C1orf105: variants seen among roughly 807,000 people sequenced by gnomAD.
C1orf105 encodes uncharacterized protein C1orf105.
A neutral mutation model predicts 20.8 loss-of-function variants in C1orf105; 17 were observed. The ratio of observed to expected loss-of-function variants is 0.82; its 90% CI spans 0.56 to 1.23. C1orf105 has a LOEUF of 1.23. C1orf105 is among the 50% of genes most tolerant of loss of function. The probability of loss-of-function intolerance (pLI) is 0.00; values close to 1 mark genes in which losing one functional copy is unlikely to be tolerated. For missense variants in C1orf105, 219 were observed against 213.5 expected (o/e 1.03, Z -0.16); for synonymous variants, 72 against 72.1 (o/e 1.00, Z 0.01).
chr1:172,424,671 G>A (rs1490048709), intron 1 of C1orf105, among the ~76,000 whole-genome samples: 2 of 152,182 alleles, frequency 1.3e-5, no homozygotes, highest in Non-Finnish European at 2.9e-5. Flanking sequence ...GTTTACAGGT[G>A]TGAGCCACCG....
chr1:172,422,093 G>A (rs1456040903), intron 1 of C1orf105, among the ~76,000 whole-genome samples: 2 of 151,968 alleles, frequency 1.3e-5, no homozygotes, highest in Admixed American at 1.3e-4. Flanking sequence ...TCCTAGTGCT[G>A]TGCTGGGCTC....
intron 1 of C1orf105, among the ~76,000 whole-genome samples, chr1:172,437,745 T>TAAA (rs1199353687): frequency 6.7e-6 from 1 of 148,206 alleles, no homozygotes; most frequent in Non-Finnish European, 1.5e-5. Flanking sequence ...ATAATAATAA[T>TAAA]AATAATAATA....
At chr1:172,441,789 G>A in intron 1 of C1orf105, 1 of 1,606,490 alleles carries the variant, frequency 6.2e-7, no homozygotes, top group Non-Finnish European at 8.5e-7. Flanking sequence ...GCCCATGAAT[G>A]TTTTCTTTAA....
intron 3 of C1orf105, among the ~76,000 whole-genome samples, chr1:172,453,866 A>G (rs1021360187): frequency 4.6e-5 from 7 of 152,334 alleles, no homozygotes; most frequent in Middle Eastern, 3.4e-3. Flanking sequence ...CACCTACACT[A>G]TGTCTTAAAT....
chr1:172,449,475 A>G (rs1054138402), intron 3 of C1orf105, among the ~76,000 whole-genome samples: 1 of 152,200 alleles, frequency 6.6e-6, no homozygotes, highest in African/African-American at 2.4e-5. Context: ...AGTGGAGGGA[A>G]GAGCCAGGGG....
intron 3 of C1orf105, among the ~76,000 whole-genome samples, chr1:172,455,505 T>G (rs1227385268): frequency 6.6e-6 from 1 of 152,234 alleles, no homozygotes; most frequent in Admixed American, 6.5e-5. Flanking sequence ...ATGACTGATG[T>G]CAATGTGAAT....
At chr1:172,452,520 G>T (rs2149181435) in intron 3 of C1orf105, among the ~76,000 whole-genome samples, 1 of 152,320 alleles carries the variant, frequency 6.6e-6, no homozygotes, top group East Asian at 1.9e-4. Context: ...GAGAGAGAAA[G>T]AAAGGGAGCG....
chr1:172,441,748 A>G (rs757969129), intron 1 of C1orf105: 4 of 1,556,766 alleles, frequency 2.6e-6, no homozygotes, highest in Non-Finnish European at 3.5e-6. Context: ...GAACCTGGAC[A>G]AGTCTTCCTT....
intron 1 of C1orf105, among the ~76,000 whole-genome samples, chr1:172,427,987 T>C (rs2071767079): frequency 1.3e-5 from 2 of 152,176 alleles, no homozygotes; most frequent in South Asian, 2.1e-4. Context: ...ACATTTCCTA[T>C]CCCACGTGCA....
intron 1 of C1orf105, among the ~76,000 whole-genome samples, chr1:172,426,270 T>A (rs776268619): frequency 6.6e-6 from 1 of 152,090 alleles, no homozygotes; most frequent in Non-Finnish European, 1.5e-5. Context: ...TGAAGTGGGG[T>A]AGTTATCCTC....
chr1:172,449,000 C>T (rs559284426), intron 3 of C1orf105, among the ~76,000 whole-genome samples: 1 of 152,318 alleles, frequency 6.6e-6, no homozygotes, highest in East Asian at 1.9e-4. Flanking sequence ...ACACAGGCTA[C>T]AGTGCTTGGG....
intron 3 of C1orf105, among the ~76,000 whole-genome samples, chr1:172,456,138 C>T (rs910999682): frequency 2.6e-5 from 4 of 152,046 alleles, no homozygotes; most frequent in Non-Finnish European, 4.4e-5. Flanking sequence ...CCATCTCTGC[C>T]AGCTGTCTTT....
chr1:172,468,060 C>T (rs1326214070), intron 6 of C1orf105, among the ~76,000 whole-genome samples: 2 of 152,058 alleles, frequency 1.3e-5, no homozygotes, highest in Non-Finnish European at 2.9e-5. Flanking sequence ...CCTGAAAAGT[C>T]TCCTGAGAAT....
intron 1 of C1orf105, chr1:172,430,330 C>T: frequency 1.4e-6 from 1 of 701,816 alleles, no homozygotes; most frequent in Non-Finnish European, 2.6e-6. Context: ...AAGAGGCATG[C>T]CACAGGTGAG....
chr1:172,448,328 G>C lies in C1orf105; in HGVS notation c.108-113G>C, dbSNP rs12074691. 21,714 of 704,004 alleles carry C rather than the reference G, an allele frequency of 0.031. 3,211 individuals carry two copies. In the African/African-American group the frequency reaches 0.33, roughly 11 times the overall value. 43.6% of individuals were successfully genotyped at this position (704,004 alleles called of 1,614,324 possible). On this transcript the variant is annotated intron_variant, in intron 2 of 6. Coordinates refer to ENST00000367727, the MANE Select transcript of C1orf105 (RefSeq NM_139240.4). ...CAATGGCCTGAGTGCTCCAGAACTG[G>C]AGTGGAAGATAGCTCCCTGTGGTGT...
At chr1:172,444,471 C>A (rs1372188265) in intron 1 of C1orf105, among the ~76,000 whole-genome samples, 1 of 152,212 alleles carries the variant, frequency 6.6e-6, no homozygotes, top group African/African-American at 2.4e-5. Flanking sequence ...CATGATACAG[C>A]CGTGAATGAA....
At chr1:172,452,310 G>C (rs1648740533) in intron 3 of C1orf105, among the ~76,000 whole-genome samples, 2 of 152,114 alleles carry the variant, frequency 1.3e-5, no homozygotes, top group Non-Finnish European at 2.9e-5. Flanking sequence ...CTTTCTCCTG[G>C]GTAAATTGAA....
At chr1:172,465,786 AC>A (rs1257521200) in intron 6 of C1orf105, 7 of 406,132 alleles carry the variant, frequency 1.7e-5, no homozygotes, top group Middle Eastern at 3.6e-4. Context: ...TCCCTAAAAT[AC>A]CTGCCTTCTC....
At chr1:172,454,072 C>G (rs1394514712) in intron 3 of C1orf105, among the ~76,000 whole-genome samples, 1 of 152,178 alleles carries the variant, frequency 6.6e-6, no homozygotes, top group African/African-American at 2.4e-5. Flanking sequence ...TGAGATTCCA[C>G]TTCCTATAGG....
Sources: gnomAD v4.1 joint callset for allele counts (sites outside exome capture counted in the v4.1 genomes callset) on GRCh38, gnomAD v4.1.1 for gene constraint, MANE v1.5 for transcripts, NCBI Gene and HGNC (gene_info 2026-07-23, HGNC 2026-07-21) for gene names.